Variants in ZNF875 observed in about 807,000 individuals in gnomAD.
The protein encoded by ZNF875 is zinc finger protein 875.
Under a neutral mutation model 11.2 loss-of-function variants are expected in ZNF875, and 14 were observed. The observed-to-expected ratio is 1.26, with a 90% confidence interval of 0.83 to 1.96. ZNF875 has a LOEUF of 1.96. Among genes scored for constraint, ZNF875 ranks in the 30% most tolerant of loss-of-function variants. The pLI is 0.00. For synonymous variants in ZNF875, 301 were observed against 281.1 expected (o/e 1.07, Z -0.71); for missense variants, 752 against 760.4 (o/e 0.99, Z 0.13).
chr19:37,364,023 A>C lies in ZNF875; in HGVS notation c.*248A>C. 1 of 486,462 alleles carries C rather than the reference A, an allele frequency of 2.1e-6. No homozygotes were observed. Among genetic ancestry groups the C allele is most frequent in the Non-Finnish European group, 3.7e-6 (1 of 271,946 alleles). 30.1% of individuals were successfully genotyped at this position (486,462 alleles called of 1,614,324 possible). On this transcript the variant is annotated 3_prime_UTR_variant, in exon 5 of 5. Coordinates refer to ENST00000392153, the MANE Select transcript of ZNF875 (RefSeq NM_001353803.2). ...TCACTGTGGATGGTGGGTTGTGGAA[A>C]CCCGGTCAGGTAATGATAGTGGCAG...
At chr19:37,314,418 T>TA (rs1170517061), upstream of ZNF875, among the ~76,000 whole-genome samples, 1 of 152,192 alleles carries the variant, frequency 6.6e-6, no homozygotes, top group East Asian at 1.9e-4. Flanking sequence ...ACCCAGCTGA[T>TA]AAAATCTTAA....
At chr19:37,316,635 G>A (rs2030211191), upstream of ZNF875, among the ~76,000 whole-genome samples, 1 of 151,446 alleles carries the variant, frequency 6.6e-6, no homozygotes, top group African/African-American at 2.4e-5. Flanking sequence ...CTCCCAAAGT[G>A]CTGGGATTAC....
chr19:37,358,548 C>G (rs1477513001), intron 4 of ZNF875: 1 of 147,974 alleles, frequency 6.8e-6, no homozygotes, highest in East Asian at 2.0e-4. Context: ...GAGATGAAGT[C>G]TCACTCTGTT....
rs748797776 is a variant in ZNF875 at position 37,363,551 on chromosome 19, C to A, written c.1699C>A (p.Gln567Lys). The change falls in exon 5 of 5, where the codon CAA becomes AAA. Residue 567 changes from glutamine (Q) to lysine (K), a missense_variant. Transcript: ENST00000392153. ...TGCCTTTGTGTGCAGGGAGTGTGGG[C>A]AAGGCTTTTGTGCTAAGTTAACTCT... ...SGAFVCRECG[Q>K]GFCAKLTLIK... The A allele has an allele frequency of 4.3e-6, 7 of 1,612,994 alleles. No homozygotes were observed. The African/African-American group carries it at 8.0e-5, about 18-fold the overall frequency.
At chr19:37,361,663 C>T (rs1191995511) in intron 4 of ZNF875, among the ~76,000 whole-genome samples, 2 of 152,074 alleles carry the variant, frequency 1.3e-5, no homozygotes, top group African/African-American at 4.8e-5. Context: ...GTGGCTTATG[C>T]CTGTAATCCC....
intron 2 of ZNF875, among the ~76,000 whole-genome samples, chr19:37,339,186 G>A (rs10414904): frequency 0.28 from 41,791 of 151,246 alleles, 7,251 homozygotes; most frequent in African/African-American, 0.48. Context: ...TTTTATATGC[G>A]CTCACACCCC....
intron 4 of ZNF875, among the ~76,000 whole-genome samples, chr19:37,353,837 G>A (rs1359531259): frequency 1.3e-5 from 2 of 152,232 alleles, no homozygotes; most frequent in East Asian, 1.9e-4. Context: ...CAGTTTGACC[G>A]TGATGTTTCT....
At chr19:37,347,691 T>A (rs2037076763) in intron 3 of ZNF875, 86 bp from the exon 4 acceptor site, 2 of 831,128 alleles carry the variant, frequency 2.4e-6, no homozygotes, top group Admixed American at 1.9e-5. Context: ...ATCCTCTGGG[T>A]TTCCTCACCC....
At chr19:37,340,739 C>A (rs2035546344) in intron 2 of ZNF875, among the ~76,000 whole-genome samples, 1 of 150,602 alleles carries the variant, frequency 6.6e-6, no homozygotes, top group Admixed American at 6.6e-5. Flanking sequence ...AGCTCCGCCT[C>A]CTGGGTTCAC....
At chr19:37,348,065 C>G (rs966162014) in intron 4 of ZNF875, among the ~76,000 whole-genome samples, 193 bp downstream of exon 4, 31 of 152,046 alleles carry the variant, frequency 2.0e-4, no homozygotes, top group African/African-American at 7.0e-4. Flanking sequence ...CTTGTCTCTT[C>G]CCTACACCAG....
chr19:37,348,195 CTAGA>C (rs1485300210), intron 4 of ZNF875, among the ~76,000 whole-genome samples: 1 of 152,198 alleles, frequency 6.6e-6, no homozygotes, highest in African/African-American at 2.4e-5. Context: ...TACGACACTT[CTAGA>C]TACTTTCTAG....
At chr19:37,347,753 C>T (rs748006800) in intron 3 of ZNF875, 24 bp from the exon 4 acceptor site, 19 of 1,487,950 alleles carry the variant, frequency 1.3e-5, no homozygotes, top group Non-Finnish European at 1.6e-5. Flanking sequence ...CCAACAATGT[C>T]CTCATTTTCT....
intron 1 of ZNF875, among the ~76,000 whole-genome samples, chr19:37,320,556 T>G (rs1298916124): frequency 1.3e-5 from 2 of 152,238 alleles, no homozygotes; most frequent in Non-Finnish European, 2.9e-5. Context: ...TGTTTGTGGA[T>G]TCTCATGCTT....
At chr19:37,323,440 A>C (rs868469625) in intron 2 of ZNF875, 1 of 152,106 alleles carries the variant, frequency 6.6e-6, no homozygotes, top group Non-Finnish European at 1.5e-5. Flanking sequence ...ACAGGTGGGC[A>C]CCTGGCCAAG....
At chr19:37,338,864 C>A (rs1313319890) in intron 2 of ZNF875, among the ~76,000 whole-genome samples, 1 of 152,156 alleles carries the variant, frequency 6.6e-6, no homozygotes, top group South Asian at 2.1e-4. Context: ...ATATGCATGG[C>A]ATCTGAATTA....
At position 37,362,367 on chromosome 19, in the gene ZNF875, G is replaced by A; in HGVS notation, c.515G>A (p.Gly172Asp). ...CTGTTTGGGAGAGTAAGCAAAAATG[G>A]CACTTCAAAGGCACTTTCCAGCCCA... The part of the protein sequence containing the change: ...RLLFGRVSKN[G>D]TSKALSSPPE... Residue 172 changes from glycine (G) to aspartate (D), a missense_variant, in exon 5 of 5, where the codon GGC (glycine) becomes GAC (aspartate). Transcript: ENST00000392153. 6.2e-7 allele frequency: 1 copy of A among 1,614,108 alleles called. No homozygotes were observed. The highest frequency in any genetic ancestry group is 8.5e-7 in the Non-Finnish European group (1 of 1,180,036).
Position 37,361,202 on chromosome 19 carries a change from C to T in ZNF875, c.257-907C>T, listed in dbSNP as rs897167152. On this transcript the variant is annotated intron_variant, in intron 4 of 4. Transcript: ENST00000392153. ...CTCAGCTCACTGCAACGTCCGCCTC[C>T]GGGGTTCAAGCGATTCTCCTGCCTC... Among the ~76,000 whole-genome samples the T allele has an allele frequency of 6.0e-5, 9 of 151,226 alleles. No homozygotes were observed. The East Asian group carries it at 7.8e-4, about 13-fold the overall frequency.
chr19:37,362,467 G>GGCA lies in ZNF875; in HGVS notation c.617_619dup (p.Ala206dup). 1 of 1,614,120 alleles carries GGCA rather than the reference G, an allele frequency of 6.2e-7. No homozygotes were observed. The highest frequency in any genetic ancestry group is 8.5e-7 in the Non-Finnish European group (1 of 1,180,030). On this transcript the variant is annotated inframe_insertion, in exon 5 of 5. Coordinates refer to ENST00000392153, the MANE Select transcript of ZNF875 (RefSeq NM_001353803.2). ...ATATAGGGTCCAGCCCTGAACGGAG[G>GGCA]GCAGATCTAGAGGAAACAGACAAAG...
intron 2 of ZNF875, among the ~76,000 whole-genome samples, chr19:37,343,242 C>T (rs932951805): frequency 4.0e-5 from 6 of 151,790 alleles, no homozygotes; most frequent in Admixed American, 1.3e-4. Flanking sequence ...GAGGCTGAGG[C>T]GGGAGCAGGA....
Sources: gnomAD v4.1 joint callset for allele counts (sites outside exome capture counted in the v4.1 genomes callset) on GRCh38, gnomAD v4.1.1 for gene constraint, MANE v1.5 for transcripts, NCBI Gene and HGNC (gene_info 2026-07-23, HGNC 2026-07-21) for gene names.